ESYT2: variants seen among roughly 807,000 people sequenced by gnomAD.
The protein encoded by ESYT2 is extended synaptotagmin-2.
ESYT2 carries 54 observed loss-of-function variants against 107.2 expected under a neutral mutation model. That is an observed-to-expected ratio of 0.50 (90% confidence interval 0.40 to 0.63). The LOEUF is 0.63. ESYT2 is among the 30% of genes least tolerant of loss of function. ESYT2 has a pLI of 0.00. For missense variants in ESYT2, 1,020 were observed against 1,094.5 expected (o/e 0.93, Z 0.96); for synonymous variants, 491 against 434.1 (o/e 1.13, Z -1.63).
intron 16 of ESYT2, among the ~76,000 whole-genome samples, chr7:158,744,542 A>T (rs922884624): frequency 6.6e-6 from 1 of 152,200 alleles, no homozygotes; most frequent in Non-Finnish European, 1.5e-5. Flanking sequence ...AAATTTTTTA[A>T]AAAACAGAGG....
Position 158,771,509 on chromosome 7 carries a change from C to G in ESYT2, c.803+1832G>C, listed in dbSNP as rs187975821. 7.2e-5 allele frequency among the ~76,000 whole-genome samples: 11 copies of G among 152,318 alleles called. No homozygotes were observed. The East Asian group carries it at 2.1e-3, about 29-fold the overall frequency. On this transcript the variant is annotated intron_variant, in intron 7 of 22. Coordinates refer to ENST00000275418, the MANE Select transcript of ESYT2 (RefSeq NM_001367773.1). ...TGTCCAAGGGTGGCCCTTGCACACA[C>G]AAGTTGGGCGGGGACCTAGCGGGAA...
intron 6 of ESYT2, among the ~76,000 whole-genome samples, chr7:158,787,663 A>AAC (rs771744629): frequency 2.0e-5 from 3 of 152,232 alleles, no homozygotes; most frequent in Non-Finnish European, 4.4e-5. Flanking sequence ...AAACAATGTT[A>AAC]ACATTTAGCT....
chr7:158,734,044 T>C lies in ESYT2; in HGVS notation c.*163A>G, dbSNP rs1587359854. 6.1e-6 allele frequency: 5 copies of C among 824,196 alleles called. No homozygotes were observed. The highest frequency in any genetic ancestry group is 3.5e-5 in the African/African-American group (2 of 57,194). 51.1% of individuals were successfully genotyped at this position (824,196 alleles called of 1,614,324 possible). A position where few individuals can be genotyped will look rare whatever the true frequency, so the allele number is the denominator to read the frequency against. On this transcript the variant is annotated 3_prime_UTR_variant, in exon 23 of 23. Transcript: ENST00000275418. ...CAACACAGAAAATTCAATGATAATA[T>C]TGGCCAAATTTGCCTGAAATGTCAA...
At chr7:158,752,231 C>T (rs897182158) in intron 14 of ESYT2, among the ~76,000 whole-genome samples, 21 of 152,252 alleles carry the variant, frequency 1.4e-4, no homozygotes, top group Admixed American at 1.0e-3. Context: ...AGAGCACACA[C>T]GTGGATGTCA....
intron 2 of ESYT2, 33 bp from the exon 3 acceptor site, chr7:158,798,109 A>T (rs760260877): frequency 6.2e-7 from 1 of 1,612,424 alleles, no homozygotes; most frequent in Admixed American, 1.7e-5. Flanking sequence ...TTTAAACAAA[A>T]TGCTATATAA....
At chr7:158,782,568 AGT>A (rs936955779) in intron 6 of ESYT2, among the ~76,000 whole-genome samples, 2 of 142,214 alleles carry the variant, frequency 1.4e-5, no homozygotes, top group Non-Finnish European at 3.1e-5. Context: ...GGAAAGTGGG[AGT>A]GTGAGAACAA....
At chr7:158,779,423 G>T (rs1838693042) in intron 6 of ESYT2, among the ~76,000 whole-genome samples, 1 of 152,146 alleles carries the variant, frequency 6.6e-6, no homozygotes, top group Non-Finnish European at 1.5e-5. Context: ...GACACACTTT[G>T]AAAATTACAT....
intron 16 of ESYT2, 34 bp from the exon 17 acceptor site, chr7:158,743,712 T>C (rs749039534): frequency 6.3e-7 from 1 of 1,591,692 alleles, no homozygotes; most frequent in Non-Finnish European, 8.5e-7. Context: ...CTGGCATAAC[T>C]AGGATCATGT....
chr7:158,757,655 G>T (rs1210128473), intron 13 of ESYT2, among the ~76,000 whole-genome samples: 1 of 140,628 alleles, frequency 7.1e-6, no homozygotes, highest in South Asian at 2.4e-4. Context: ...CCCGCGCCAG[G>T]CACCCCGCGG....
chr7:158,809,059 G>C lies in ESYT2; in HGVS notation c.331-9987C>G, dbSNP rs1051761835. Among the ~76,000 whole-genome samples, 5 of 152,118 alleles carry C rather than the reference G, an allele frequency of 3.3e-5. No homozygotes were observed. The East Asian group carries it at 9.6e-4, about 29-fold the overall frequency. On this transcript the variant is annotated intron_variant, in intron 1 of 22. Coordinates refer to ENST00000275418, the MANE Select transcript of ESYT2 (RefSeq NM_001367773.1). ...GGGTAGAAGACAAAACAGATGTTCTGATTGACAGCAACTGGGTTTGGTACT... is the reference window on the plus strand; with the variant it reads ...GGGTAGAAGACAAAACAGATGTTCTCATTGACAGCAACTGGGTTTGGTACT...
chr7:158,746,453 T>TG (rs1837405231), intron 16 of ESYT2, among the ~76,000 whole-genome samples: 1 of 149,356 alleles, frequency 6.7e-6, no homozygotes, highest in Non-Finnish European at 1.5e-5. Flanking sequence ...AAGGCTGCAG[T>TG]GAGCCATGAC....
rs200723436 is a variant in ESYT2, at chr7:158,770,507, TTA to T, written c.804-2735_804-2734del. Among the ~76,000 whole-genome samples the T allele has an allele frequency of 2.4e-3, 353 of 150,090 alleles. 4 individuals are homozygous for T. The highest frequency in any genetic ancestry group is 8.1e-3 in the African/African-American group (332 of 40,976). On this transcript the variant is annotated intron_variant, in intron 7 of 22. Transcript: ENST00000275418. ...TAATGACATAATTATACATATACGA[TTA>T]TATATATATATATTTTTTTTCCTGA...
At position 158,746,761 on chromosome 7, in the gene ESYT2, C is replaced by T. The variant is rs961551633; in HGVS notation, c.1644+1433G>A. On this transcript the variant is annotated intron_variant, in intron 16 of 22. Transcript: ENST00000275418. The stretch of plus-strand genomic sequence containing the variant: ...ATATTAAGAAAAAGAGGCTGGGCAC[C>T]GTGGCTCACAACTGCAATCCCAGCA... Among the ~76,000 whole-genome samples the T allele has an allele frequency of 4.6e-5, 7 of 152,210 alleles. No individual in the cohort carries two copies. In the South Asian group the frequency reaches 6.2e-4, roughly 14 times the overall value.
At chr7:158,815,898 G>A (rs374577502) in intron 1 of ESYT2, among the ~76,000 whole-genome samples, 90 of 152,240 alleles carry the variant, frequency 5.9e-4, no homozygotes, top group African/African-American at 1.9e-3. Context: ...GAGATGTTAC[G>A]GCACGGGGAA....
At chr7:158,815,776 T>C (rs1338218788) in intron 1 of ESYT2, among the ~76,000 whole-genome samples, 1 of 152,198 alleles carries the variant, frequency 6.6e-6, no homozygotes, top group Non-Finnish European at 1.5e-5. Context: ...GAAAAAAACC[T>C]TAGTATTGAA....
chr7:158,793,256 C>T (rs1022381142), intron 4 of ESYT2, among the ~76,000 whole-genome samples: 12 of 152,132 alleles, frequency 7.9e-5, no homozygotes, highest in East Asian at 5.8e-4. Context: ...TGTGTTACAT[C>T]GACAAATTTT....
At chr7:158,806,477 T>C (rs1164485107) in intron 1 of ESYT2, among the ~76,000 whole-genome samples, 1 of 152,204 alleles carries the variant, frequency 6.6e-6, no homozygotes, top group African/African-American at 2.4e-5. Flanking sequence ...CGTGAAATAT[T>C]AGGAGAATTT....
chr7:158,809,128 A>AG (rs1235139524), intron 1 of ESYT2, among the ~76,000 whole-genome samples: 13 of 152,046 alleles, frequency 8.6e-5, no homozygotes, highest in Admixed American at 1.3e-4. Flanking sequence ...CCCACAGATA[A>AG]GGGGGGGCTA....
chr7:158,786,129 T>G (rs1839107600), intron 6 of ESYT2, among the ~76,000 whole-genome samples: 1 of 149,636 alleles, frequency 6.7e-6, no homozygotes, highest in Non-Finnish European at 1.5e-5. Flanking sequence ...CCTTCTTTTC[T>G]GAGCACTAAA....
Sources: gnomAD v4.1 joint callset for allele counts (sites outside exome capture counted in the v4.1 genomes callset) on GRCh38, gnomAD v4.1.1 for gene constraint, MANE v1.5 for transcripts, NCBI Gene and HGNC (gene_info 2026-07-23, HGNC 2026-07-21) for gene names.